CADPS: variants seen among roughly 807,000 people sequenced by gnomAD.
The protein encoded by CADPS is calcium-dependent secretion activator 1.
Under a neutral mutation model 167.3 loss-of-function variants are expected in CADPS, and 57 were observed. The ratio of observed to expected loss-of-function variants is 0.34; its 90% CI spans 0.28 to 0.42. The LOEUF is 0.42. CADPS is among the 20% of genes least tolerant of loss of function. CADPS has a pLI of 1.00. For missense variants in CADPS, 1,414 were observed against 1,738.1 expected (o/e 0.81, Z 3.32); for synonymous variants, 676 against 635.3 (o/e 1.06, Z -0.96).
Position 62,623,566 on chromosome 3 carries a change from A to G in CADPS, c.1325+22156T>C, listed in dbSNP as rs372280590. ...ATATAAGAAGATAATATGACCCAAG[A>G]ATCAAGCCCTAAATTGATTTACAAT... is the stretch of plus-strand genomic sequence containing the variant. On this transcript the variant is annotated intron_variant, in intron 6 of 29. Transcript: ENST00000383710. Among the ~76,000 whole-genome samples the G allele has an allele frequency of 6.6e-5, 10 of 152,310 alleles. No homozygotes were observed. The East Asian group carries it at 7.7e-4, about 12-fold the overall frequency.
At chr3:62,501,125 G>A (rs2065701776) in intron 17 of CADPS, among the ~76,000 whole-genome samples, 1 of 152,166 alleles carries the variant, frequency 6.6e-6, no homozygotes, top group South Asian at 2.1e-4. Flanking sequence ...AGGTGGGGCT[G>A]TGGGAAACAT....
At chr3:62,459,462 A>G (rs968260589) in intron 26 of CADPS, among the ~76,000 whole-genome samples, 2 of 152,144 alleles carry the variant, frequency 1.3e-5, no homozygotes, top group African/African-American at 4.8e-5. Flanking sequence ...CTGGCCTTTC[A>G]CAAGGAACGT....
At chr3:62,784,431 T>G (rs1438047693) in intron 1 of CADPS, among the ~76,000 whole-genome samples, 1 of 152,094 alleles carries the variant, frequency 6.6e-6, no homozygotes, top group African/African-American at 2.4e-5. Flanking sequence ...AGCTAATACA[T>G]GAAAAATAGA....
intron 6 of CADPS, among the ~76,000 whole-genome samples, chr3:62,645,460 A>G (rs2068338308): frequency 1.3e-5 from 2 of 152,196 alleles, no homozygotes; most frequent in Admixed American, 6.5e-5. Flanking sequence ...AGTTGTGACT[A>G]ATCTCTCGAG....
At chr3:62,698,997 A>G (rs1186488913) in intron 3 of CADPS, among the ~76,000 whole-genome samples, 1 of 151,816 alleles carries the variant, frequency 6.6e-6, no homozygotes, top group East Asian at 1.9e-4. Context: ...TTTGGGGAAC[A>G]GGTGGTGTTT....
chr3:62,644,912 T>A (rs2068203046), intron 6 of CADPS, among the ~76,000 whole-genome samples: 1 of 152,216 alleles, frequency 6.6e-6, no homozygotes, highest in South Asian at 2.1e-4. Flanking sequence ...GTGCCATTAC[T>A]TTCTGATGTC....
At chr3:62,785,204 T>C (rs968894931) in intron 1 of CADPS, among the ~76,000 whole-genome samples, 12 of 152,150 alleles carry the variant, frequency 7.9e-5, no homozygotes, top group Non-Finnish European at 1.5e-4. Flanking sequence ...TGTTTGATAT[T>C]TTCATAATTT....
chr3:62,703,967 C>G (rs758483299), intron 3 of CADPS, among the ~76,000 whole-genome samples: 8 of 152,052 alleles, frequency 5.3e-5, no homozygotes, highest in Non-Finnish European at 8.8e-5. Context: ...AATTTTTAGT[C>G]AAGCAATGTC....
intron 3 of CADPS, among the ~76,000 whole-genome samples, chr3:62,689,063 A>G (rs2078611023): frequency 6.6e-6 from 1 of 152,098 alleles, no homozygotes; most frequent in Admixed American, 6.5e-5. Flanking sequence ...CTGTGATTTG[A>G]CAGCTTTCAA....
chr3:62,626,428 G>A (rs1042912189), intron 6 of CADPS: 6 of 691,576 alleles, frequency 8.7e-6, no homozygotes, highest in Admixed American at 2.0e-5. Context: ...ACAGACTATA[G>A]TGAAATTATT....
At chr3:62,851,131 A>G (rs992358085) in intron 1 of CADPS, among the ~76,000 whole-genome samples, 2 of 128,232 alleles carry the variant, frequency 1.6e-5, no homozygotes, top group African/African-American at 5.7e-5. Context: ...TGCTTGGTAG[A>G]TCTTCCTCCA....
chr3:62,578,558 C>T (rs1410832335), intron 8 of CADPS, among the ~76,000 whole-genome samples: 1 of 136,460 alleles, frequency 7.3e-6, no homozygotes, highest in East Asian at 2.1e-4. Flanking sequence ...TGCAGTGAGC[C>T]GAGATCATGC....
intron 21 of CADPS, among the ~76,000 whole-genome samples, chr3:62,490,338 C>A (rs1214864559): frequency 6.6e-6 from 1 of 151,988 alleles, no homozygotes; most frequent in Non-Finnish European, 1.5e-5. Flanking sequence ...AAGAAACTAA[C>A]AAGGCAAATC....
At chr3:62,542,526 C>A (rs1356740255) in intron 11 of CADPS, among the ~76,000 whole-genome samples, 1 of 152,008 alleles carries the variant, frequency 6.6e-6, no homozygotes, top group Admixed American at 6.6e-5. Flanking sequence ...GATGTTGTGC[C>A]CTGCCTGAGC....
intron 18 of CADPS, 106 bp from the exon 19 acceptor site, chr3:62,493,771 C>T: frequency 1.1e-6 from 1 of 930,802 alleles, no homozygotes; most frequent in Non-Finnish European, 1.7e-6. Flanking sequence ...ACAGTAAAAC[C>T]TCACTGATTC....
chr3:62,804,665 G>T (rs1387358964), intron 1 of CADPS, among the ~76,000 whole-genome samples: 1 of 151,714 alleles, frequency 6.6e-6, no homozygotes. Flanking sequence ...GCTCTGTATT[G>T]TGTATTGTTG....
chr3:62,635,983 A>C, intron 6 of CADPS, among the ~76,000 whole-genome samples: 1 of 152,244 alleles, frequency 6.6e-6, no homozygotes, highest in East Asian at 1.9e-4. Flanking sequence ...AAACTAAAAA[A>C]GGCATCTGAG....
intron 22 of CADPS, among the ~76,000 whole-genome samples, chr3:62,480,086 T>C (rs1416450400): frequency 1.3e-5 from 2 of 152,154 alleles, no homozygotes; most frequent in African/African-American, 2.4e-5. Context: ...GAGCTTATTA[T>C]TAAGTTTTGA....
At chr3:62,710,413 T>A (rs2083174466) in intron 3 of CADPS, among the ~76,000 whole-genome samples, 3 of 151,064 alleles carry the variant, frequency 2.0e-5, no homozygotes, top group Non-Finnish European at 4.4e-5. Context: ...AAAAAAAAAA[T>A]CTGAGATAAA....
Sources: allele counts gnomAD v4.1 joint callset (sites outside exome capture counted in the v4.1 genomes callset), GRCh38; gene constraint gnomAD v4.1.1; transcripts MANE v1.5; gene names NCBI Gene and HGNC (gene_info 2026-07-23, HGNC 2026-07-21).